GLB1L3: variants seen among roughly 807,000 people sequenced by gnomAD.
GLB1L3 encodes the protein beta-galactosidase-1-like protein 3.
GLB1L3 carries 89 observed loss-of-function variants against 89.5 expected under a neutral mutation model. The ratio of observed to expected loss-of-function variants is 0.99; its 90% CI spans 0.84 to 1.19. The LOEUF is 1.19. Ranked by LOEUF, GLB1L3 falls within the 50% of genes most tolerant of loss-of-function variation. The pLI, the probability that GLB1L3 is intolerant of heterozygous loss-of-function variation, is 0.00. For missense variants in GLB1L3, 812 were observed against 813.3 expected (o/e 1.00, Z 0.02); for synonymous variants, 314 against 312.3 (o/e 1.01, Z -0.06).
At chr11:134,287,857 G>A (rs1027284173) in intron 6 of GLB1L3, among the ~76,000 whole-genome samples, 1 of 152,220 alleles carries the variant, frequency 6.6e-6, no homozygotes, top group Non-Finnish European at 1.5e-5. Context: ...AAAGCTGACA[G>A]TCATGCCTCT....
intron 9 of GLB1L3, among the ~76,000 whole-genome samples, chr11:134,303,308 CT>C (rs1370536105): frequency 6.6e-6 from 1 of 152,050 alleles, no homozygotes; most frequent in Non-Finnish European, 1.5e-5. Flanking sequence ...CACAATTAAA[CT>C]TTTATTTGGA....
At chr11:134,281,994 T>C in intron 4 of GLB1L3, 31 bp from the exon 5 acceptor site, 1 of 1,508,682 alleles carries the variant, frequency 6.6e-7, no homozygotes, top group Non-Finnish European at 9.0e-7. Context: ...TGGGCCGTCG[T>C]GGGAGGGGCT....
At chr11:134,310,188 ATACACTAACAC>A (rs1184075854) in intron 11 of GLB1L3, 1 of 376,456 alleles carries the variant, frequency 2.7e-6, no homozygotes, top group Admixed American at 3.7e-5. Flanking sequence ...CACACATGAA[ATACACTAACAC>A]TAATGATAGC....
chr11:134,313,769 T>C (rs1942857253), intron 16 of GLB1L3, among the ~76,000 whole-genome samples, 172 bp from the exon 17 acceptor site: 1 of 152,200 alleles, frequency 6.6e-6, no homozygotes, highest in Non-Finnish European at 1.5e-5. Flanking sequence ...CTTGGTAGTG[T>C]GGAAACATAC....
chr11:134,301,145 A>G (rs919643207), intron 9 of GLB1L3, among the ~76,000 whole-genome samples: 2 of 152,186 alleles, frequency 1.3e-5, no homozygotes, highest in African/African-American at 4.8e-5. Flanking sequence ...CAGGTAAGCA[A>G]GTGGCTTGGG....
At chr11:134,312,756 C>A in intron 14 of GLB1L3, 60 bp from the exon 15 acceptor site, 7 of 1,394,412 alleles carry the variant, frequency 5.0e-6, no homozygotes, top group Middle Eastern at 1.9e-4. Context: ...GAAACCGCGG[C>A]CTCTCTTCTC....
intron 6 of GLB1L3, among the ~76,000 whole-genome samples, chr11:134,284,499 A>G (rs1565391473): frequency 3.9e-5 from 6 of 152,092 alleles, no homozygotes; most frequent in Non-Finnish European, 8.8e-5. Context: ...AGGCCGAGGC[A>G]GGGGGGTCAC....
intron 9 of GLB1L3, chr11:134,305,325 T>TTA: frequency 4.1e-6 from 2 of 489,712 alleles, no homozygotes; most frequent in Non-Finnish European, 7.3e-6. Flanking sequence ...AGTATGCTTC[T>TTA]TACTTAGGAG....
intron 1 of GLB1L3, 81 bp from the exon 2 acceptor site, chr11:134,277,245 C>G (rs1482920997): frequency 9.4e-6 from 15 of 1,591,232 alleles, no homozygotes; most frequent in African/African-American, 1.3e-5. Flanking sequence ...CTCTAAAGCG[C>G]CCCCGGCACA....
At chr11:134,283,596 C>A in intron 5 of GLB1L3, 141 bp from the exon 6 acceptor site, 3 of 574,860 alleles carry the variant, frequency 5.2e-6, no homozygotes, top group Non-Finnish European at 9.3e-6. Context: ...CGGCACAGAT[C>A]TTTCCAGGAC....
chr11:134,289,978 T>A (rs1031845974), intron 7 of GLB1L3, among the ~76,000 whole-genome samples: 6 of 152,196 alleles, frequency 3.9e-5, no homozygotes, highest in Admixed American at 2.6e-4. Flanking sequence ...CGGAGACCTC[T>A]GGCTGGAGGC....
At chr11:134,313,304 G>T (rs1942830592) in intron 15 of GLB1L3, 92 bp from the exon 16 acceptor site, 3 of 900,952 alleles carry the variant, frequency 3.3e-6, no homozygotes, top group Non-Finnish European at 5.3e-6. Context: ...TCTCCCATGT[G>T]TCTCTCCATG....
At chr11:134,278,974 C>T (rs571171799) in intron 3 of GLB1L3, among the ~76,000 whole-genome samples, 1 of 152,292 alleles carries the variant, frequency 6.6e-6, no homozygotes, top group East Asian at 1.9e-4. Flanking sequence ...GATAGGCACA[C>T]ATTACATACA....
At chr11:134,300,159 A>AGGTGCTGGCAG (rs1182077966) in intron 9 of GLB1L3, among the ~76,000 whole-genome samples, 1 of 152,074 alleles carries the variant, frequency 6.6e-6, no homozygotes, top group Non-Finnish European at 1.5e-5. Flanking sequence ...TCTGAAATCA[A>AGGTGCTGGCAG]GGTGCTGGCA....
At chr11:134,283,589 C>A in intron 5 of GLB1L3, 148 bp from the exon 6 acceptor site, 1 of 583,968 alleles carries the variant, frequency 1.7e-6, no homozygotes. Context: ...TCTCACGCGG[C>A]ACAGATCTTT....
At chr11:134,292,500 A>G in intron 8 of GLB1L3, 2 of 286,888 alleles carry the variant, frequency 7.0e-6, no homozygotes, top group Non-Finnish European at 1.3e-5. Context: ...TTTCTGTGGC[A>G]AGAAATCTGC....
intron 10 of GLB1L3, among the ~76,000 whole-genome samples, chr11:134,308,555 A>G (rs1215765000): frequency 1.3e-4 from 2 of 15,932 alleles, no homozygotes; most frequent in African/African-American, 4.4e-4. Flanking sequence ...CACCATCACC[A>G]TCACCACCAC....
intron 7 of GLB1L3, among the ~76,000 whole-genome samples, chr11:134,291,311 C>T (rs1162131127): frequency 1.3e-5 from 2 of 151,054 alleles, no homozygotes; most frequent in African/African-American, 4.9e-5. Context: ...TACTCTGTCA[C>T]CTAGGCTGGC....
At chr11:134,301,910 C>T (rs1480389766) in intron 9 of GLB1L3, among the ~76,000 whole-genome samples, 2 of 151,870 alleles carry the variant, frequency 1.3e-5, no homozygotes, top group African/African-American at 2.4e-5. Flanking sequence ...TCCTTTATTT[C>T]GCTGGTCAGA....
Sources: allele counts gnomAD v4.1 joint callset (sites outside exome capture counted in the v4.1 genomes callset), GRCh38; gene constraint gnomAD v4.1.1; transcripts MANE v1.5; gene names NCBI Gene and HGNC (gene_info 2026-07-23, HGNC 2026-07-21).